RSRC1: variants seen among roughly 807,000 people sequenced by gnomAD.
RSRC1 encodes arginine and serine rich coiled-coil 1.
In RSRC1, 39 loss-of-function variants were observed where a neutral mutation model predicts 49.1. The ratio of observed to expected loss-of-function variants is 0.79; its 90% CI spans 0.61 to 1.04. The LOEUF is 1.04. Among genes scored for constraint, RSRC1 ranks in the 50% least tolerant of loss-of-function variants. The probability of loss-of-function intolerance (pLI) is 0.00; values close to 1 mark genes in which losing one functional copy is unlikely to be tolerated. For missense variants in RSRC1, 388 were observed against 402.4 expected (o/e 0.96, Z 0.31); for synonymous variants, 143 against 130.8 (o/e 1.09, Z -0.63).
chr3:158,139,679 G>A (rs1345180209), intron 3 of RSRC1, among the ~76,000 whole-genome samples: 1 of 150,386 alleles, frequency 6.6e-6, no homozygotes, highest in African/African-American at 2.4e-5. Context: ...TTTCGCCCAG[G>A]CTGGAGTGCA....
At chr3:158,231,865 T>C (rs1166440764) in intron 4 of RSRC1, among the ~76,000 whole-genome samples, 3 of 152,166 alleles carry the variant, frequency 2.0e-5, no homozygotes, top group Non-Finnish European at 1.5e-5. Context: ...TTACCGTACT[T>C]TTAATACAGA....
intron 3 of RSRC1, 111 bp downstream of exon 3, chr3:158,124,102 C>A: frequency 2.6e-6 from 2 of 779,494 alleles, no homozygotes; most frequent in Non-Finnish European, 3.7e-6. Context: ...TTGAGCTTAG[C>A]TGGCACTTAT....
chr3:158,391,430 A>T (rs1261214370), intron 6 of RSRC1, among the ~76,000 whole-genome samples: 1 of 152,164 alleles, frequency 6.6e-6, no homozygotes, highest in Admixed American at 6.6e-5. Context: ...GAAAATGCCT[A>T]CCACTTGCCA....
At chr3:158,426,228 T>C (rs995119306) in intron 6 of RSRC1, among the ~76,000 whole-genome samples, 6 of 151,674 alleles carry the variant, frequency 4.0e-5, no homozygotes, top group South Asian at 2.1e-4. Flanking sequence ...TATTATAAAA[T>C]TAGACATCTT....
intron 3 of RSRC1, among the ~76,000 whole-genome samples, chr3:158,181,086 G>A (rs1268507984): frequency 1.3e-5 from 2 of 152,154 alleles, no homozygotes; most frequent in African/African-American, 4.8e-5. Context: ...TTACAGGCGT[G>A]AGCCACCGCC....
chr3:158,426,158 TC>T (rs1735426347), intron 6 of RSRC1, among the ~76,000 whole-genome samples: 1 of 151,718 alleles, frequency 6.6e-6, no homozygotes, highest in South Asian at 2.1e-4. Context: ...AGATTTGTGA[TC>T]TAGGGATAGG....
chr3:158,380,954 C>A (rs1159812214), intron 6 of RSRC1, among the ~76,000 whole-genome samples: 2 of 151,764 alleles, frequency 1.3e-5, no homozygotes, highest in Non-Finnish European at 2.9e-5. Flanking sequence ...TTTTTTTTTA[C>A]ATAAATATTT....
At chr3:158,428,282 A>T in intron 6 of RSRC1, among the ~76,000 whole-genome samples, 1 of 152,012 alleles carries the variant, frequency 6.6e-6, no homozygotes, top group Non-Finnish European at 1.5e-5. Flanking sequence ...GGGATAATGC[A>T]TATCAGTTTG....
intron 6 of RSRC1, among the ~76,000 whole-genome samples, chr3:158,357,802 G>C (rs942574976): frequency 2.6e-5 from 4 of 152,062 alleles, no homozygotes; most frequent in Non-Finnish European, 4.4e-5. Flanking sequence ...ACCTTGATTT[G>C]GGGGCCTTAA....
chr3:158,480,022 C>G (rs1322413897), intron 7 of RSRC1, among the ~76,000 whole-genome samples: 1 of 151,978 alleles, frequency 6.6e-6, no homozygotes, highest in Non-Finnish European at 1.5e-5. Context: ...CTTTCACATG[C>G]ATTTGTTGGA....
At chr3:158,171,146 A>G (rs1311405653) in intron 3 of RSRC1, among the ~76,000 whole-genome samples, 1 of 152,214 alleles carries the variant, frequency 6.6e-6, no homozygotes, top group Non-Finnish European at 1.5e-5. Flanking sequence ...AAGGAGCATA[A>G]CAAAAGCTTT....
chr3:158,147,067 C>T (rs1717178293), intron 3 of RSRC1, among the ~76,000 whole-genome samples: 1 of 144,178 alleles, frequency 6.9e-6, no homozygotes, highest in Non-Finnish European at 1.5e-5. Context: ...CCCTCCCTCT[C>T]CATCTTCTTC....
intron 3 of RSRC1, among the ~76,000 whole-genome samples, chr3:158,124,957 A>G (rs1033096608): frequency 3.4e-4 from 52 of 151,724 alleles, no homozygotes; most frequent in African/African-American, 1.3e-3. Flanking sequence ...CTAGAAATAC[A>G]AGCATACACC....
chr3:158,208,715 G>GAAAACAGATTTTTCTT (rs1370616473), intron 4 of RSRC1, among the ~76,000 whole-genome samples: 2 of 152,074 alleles, frequency 1.3e-5, no homozygotes, highest in Non-Finnish European at 2.9e-5. Flanking sequence ...TTTGCATTAT[G>GAAAACAGATTTTTCTT]AAAACAGATT....
intron 1 of RSRC1, 36 bp from the exon 2 acceptor site, chr3:158,122,067 T>G: frequency 7.9e-7 from 1 of 1,261,096 alleles, no homozygotes; most frequent in Non-Finnish European, 1.1e-6. Context: ...TGTGCCACCA[T>G]GTTAGAAATA....
chr3:158,511,776 C>T (rs1740194651), intron 7 of RSRC1, among the ~76,000 whole-genome samples: 1 of 152,018 alleles, frequency 6.6e-6, no homozygotes. Context: ...ACATCCTCTC[C>T]AGCACCTGTT....
At chr3:158,270,327 A>G (rs918311946) in intron 4 of RSRC1, among the ~76,000 whole-genome samples, 1 of 152,168 alleles carries the variant, frequency 6.6e-6, no homozygotes, top group Non-Finnish European at 1.5e-5. Context: ...CGAGTTAACC[A>G]TGATCTTGGA....
At chr3:158,246,798 C>G (rs1723926171) in intron 4 of RSRC1, among the ~76,000 whole-genome samples, 10 of 152,178 alleles carry the variant, frequency 6.6e-5, no homozygotes, top group Admixed American at 6.5e-4. Flanking sequence ...GCCTTTCTCT[C>G]TGGCTGCCCT....
intron 3 of RSRC1, among the ~76,000 whole-genome samples, chr3:158,196,535 A>G (rs1015969451): frequency 3.3e-5 from 5 of 152,078 alleles, no homozygotes; most frequent in Non-Finnish European, 7.4e-5. Context: ...TTCTAACACT[A>G]TGTTGAATAG....
Sources: allele counts gnomAD v4.1 joint callset (sites outside exome capture counted in the v4.1 genomes callset), GRCh38; gene constraint gnomAD v4.1.1; transcripts MANE v1.5; gene names NCBI Gene and HGNC (gene_info 2026-07-23, HGNC 2026-07-21).